The following FXR1 variants were observed in gnomAD, a reference collection of about 807,000 sequenced individuals.
The protein encoded by FXR1 is RNA-binding protein FXR1.
A neutral mutation model predicts 84.0 loss-of-function variants in FXR1; 15 were observed. The ratio of observed to expected loss-of-function variants is 0.18; its 90% CI spans 0.12 to 0.27. The LOEUF is 0.27. FXR1 is among the 10% of genes least tolerant of loss of function. The pLI is 1.00. For synonymous variants in FXR1, 245 were observed against 250.7 expected, an observed-to-expected ratio of 0.98 and a Z score of 0.21; for missense variants, 480 against 774.4, an observed-to-expected ratio of 0.62 and a Z score of 4.51.
At position 180,979,731 on chromosome 3, in the gene FXR1, T is replaced by A. The variant is rs1440133638; in HGVS notation, c.*3439T>A. On this transcript the variant is annotated 3_prime_UTR_variant, in exon 17 of 17. Transcript: ENST00000357559. Reference sequence around the variant, plus strand: ...CAAGTGGTGTTAAAACTGATTTAAGTCCATTACACTGAACAGTAGGAAATT... The same window carrying A: ...CAAGTGGTGTTAAAACTGATTTAAGACCATTACACTGAACAGTAGGAAATT... 6.6e-6 allele frequency: 1 copy of A among 152,068 alleles called. No homozygotes were observed. The highest frequency in any genetic ancestry group is 1.5e-5 in the Non-Finnish European group (1 of 67,966). 9.4% of individuals were successfully genotyped at this position (152,068 alleles called of 1,614,324 possible).
chr3:180,946,034 G>C (rs1377605542), intron 3 of FXR1, among the ~76,000 whole-genome samples: 1 of 152,134 alleles, frequency 6.6e-6, no homozygotes, highest in Admixed American at 6.5e-5. Context: ...TCTGTTGTCT[G>C]ATATCTCTAA....
chr3:180,927,965 T>A (rs1719427412), intron 1 of FXR1, among the ~76,000 whole-genome samples: 1 of 152,104 alleles, frequency 6.6e-6, no homozygotes, highest in Non-Finnish European at 1.5e-5. Flanking sequence ...TTTTATATTT[T>A]AGCTTCTGGG....
intron 3 of FXR1, among the ~76,000 whole-genome samples, chr3:180,944,107 G>A (rs1043510640): frequency 6.6e-6 from 1 of 151,484 alleles, no homozygotes; most frequent in African/African-American, 2.4e-5. Context: ...GTAGAGACAG[G>A]GTTTCTCCAT....
intron 1 of FXR1, among the ~76,000 whole-genome samples, chr3:180,930,470 A>T (rs1413130768): frequency 6.6e-6 from 1 of 152,208 alleles, no homozygotes; most frequent in East Asian, 1.9e-4. Context: ...AGTGATTTAG[A>T]GTTCTGATTT....
At chr3:180,958,605 T>TAC (rs1010965919) in intron 10 of FXR1, among the ~76,000 whole-genome samples, 11 of 152,156 alleles carry the variant, frequency 7.2e-5, no homozygotes, top group Non-Finnish European at 1.2e-4. Flanking sequence ...GGTATATATA[T>TAC]ACCACATTTT....
intron 9 of FXR1, among the ~76,000 whole-genome samples, chr3:180,955,511 GT>G (rs770935987): frequency 6.6e-6 from 1 of 152,118 alleles, no homozygotes; most frequent in Non-Finnish European, 1.5e-5. Flanking sequence ...GTTATCAAAT[GT>G]TTATCAGTAT....
intron 3 of FXR1, among the ~76,000 whole-genome samples, chr3:180,942,837 C>T (rs945427275): frequency 6.6e-6 from 1 of 152,148 alleles, no homozygotes; most frequent in Non-Finnish European, 1.5e-5. Flanking sequence ...CAGTAATTAA[C>T]ATTTAGGATA....
At chr3:180,963,121 GTAATAGTAA>G (rs1402716541) in intron 13 of FXR1, 31 bp downstream of exon 13, 2 of 810,616 alleles carry the variant, frequency 2.5e-6, no homozygotes, top group South Asian at 3.1e-5. Context: ...TTTTTTTTTG[GTAATAGTAA>G]TAATAGTAGT....
At chr3:180,958,343 C>T (rs1006629999) in intron 10 of FXR1, among the ~76,000 whole-genome samples, 2 of 152,082 alleles carry the variant, frequency 1.3e-5, no homozygotes, top group Non-Finnish European at 2.9e-5. Flanking sequence ...CACCTGAGCA[C>T]TGTACACTGT....
Position 180,947,156 on chromosome 3 carries a change from C to A in FXR1, c.199-709C>A, listed in dbSNP as rs182054582. On this transcript the variant is annotated intron_variant, in intron 3 of 16. Coordinates refer to ENST00000357559, the MANE Select transcript of FXR1 (RefSeq NM_005087.4). Reference sequence around the variant, plus strand: ...CATCCTCCACCCTCTGGACATGATTCTCCTGCCTCAGCCCTCCGAGTAGAT... The same window carrying A: ...CATCCTCCACCCTCTGGACATGATTATCCTGCCTCAGCCCTCCGAGTAGAT... Among the ~76,000 whole-genome samples, 50 of 152,182 alleles carry A rather than the reference C, an allele frequency of 3.3e-4. 1 individual carries two copies. The East Asian group carries it at 5.8e-3, about 18-fold the overall frequency.
In FXR1 at chr3:180,982,145, C is replaced by CT. The variant is rs1268476022; in HGVS notation, c.*5855dup. 1 of 152,010 alleles carries CT rather than the reference C, an allele frequency of 6.6e-6. No homozygotes were observed. Among genetic ancestry groups the CT allele is most frequent in the East Asian group, 1.9e-4 (1 of 5,188 alleles). 9.4% of individuals were successfully genotyped at this position (152,010 alleles called of 1,614,324 possible). On this transcript the variant is annotated 3_prime_UTR_variant, in exon 17 of 17. Coordinates refer to ENST00000357559, the MANE Select transcript of FXR1 (RefSeq NM_005087.4). ...CAGCATGTTGCCTTGGCTGCTTAAC[C>CT]TTACTAAACTTCCATTTCCTCACAT...
chr3:180,921,777 C>G (rs139867446), intron 1 of FXR1, among the ~76,000 whole-genome samples: 2 of 151,346 alleles, frequency 1.3e-5, no homozygotes, highest in African/African-American at 4.8e-5. Context: ...TACATAGACA[C>G]GTGTATAATT....
intron 1 of FXR1, among the ~76,000 whole-genome samples, chr3:180,931,740 T>G (rs796552170): frequency 0.011 from 352 of 31,702 alleles, 2 homozygotes; most frequent in African/African-American, 0.11. Context: ...TTGTTGTGGG[T>G]TTTTTTTTTT....
chr3:180,960,993 T>A (rs146743628), intron 10 of FXR1, among the ~76,000 whole-genome samples: 172 of 152,096 alleles, frequency 1.1e-3, no homozygotes, highest in South Asian at 5.4e-3. Context: ...AATCTTGAAG[T>A]TTAGTACATG....
chr3:180,916,981 C>T (rs901026046), intron 1 of FXR1, among the ~76,000 whole-genome samples: 9 of 152,092 alleles, frequency 5.9e-5, no homozygotes, highest in African/African-American at 1.9e-4. Context: ...ATTTCAGGGA[C>T]GCACCACCAC....
intron 1 of FXR1, among the ~76,000 whole-genome samples, chr3:180,920,213 C>T (rs1423859469): frequency 6.6e-6 from 1 of 151,992 alleles, no homozygotes; most frequent in Non-Finnish European, 1.5e-5. Context: ...TTTTTGGTTC[C>T]CTTTTCATGT....
chr3:180,946,232 TAACA>T (rs1396209916), intron 3 of FXR1, among the ~76,000 whole-genome samples: 6 of 152,224 alleles, frequency 3.9e-5, no homozygotes, highest in Non-Finnish European at 8.8e-5. Context: ...GTATGAACAT[TAACA>T]GTTTATTTCA....
rs755057904 is a variant in FXR1 at position 180,948,690 on chromosome 3, A to G, written c.420-31A>G. On this transcript the variant is annotated intron_variant, in intron 5 of 16. Transcript: ENST00000357559. ...CTCCTCTGACTTTAATCTGTTATTG[A>G]GTTCTTACACATAAATTGATTTCTC... 8.6e-6 allele frequency: 10 copies of G among 1,160,252 alleles called. No individual in the cohort carries two copies. In the African/African-American group the frequency reaches 9.1e-5, roughly 11 times the overall value. The allele number at this position is 1,160,252 out of a possible 1,614,324, so 71.9% of individuals were successfully genotyped here.
At chr3:180,965,802 T>A (rs532764296) in intron 13 of FXR1, among the ~76,000 whole-genome samples, 1 of 152,290 alleles carries the variant, frequency 6.6e-6, no homozygotes, top group African/African-American at 2.4e-5. Flanking sequence ...ATTAAAATTT[T>A]GGGGGGTACG....
Sources: allele counts gnomAD v4.1 joint callset (sites outside exome capture counted in the v4.1 genomes callset), GRCh38; gene constraint gnomAD v4.1.1; transcripts MANE v1.5; gene names NCBI Gene and HGNC (gene_info 2026-07-23, HGNC 2026-07-21).